The following PPARGC1A variants were observed in gnomAD, a reference collection of about 807,000 sequenced individuals.
The protein encoded by PPARGC1A is PPARG coactivator 1 alpha.
PPARGC1A carries 25 observed loss-of-function variants against 88.7 expected under a neutral mutation model. The ratio of observed to expected loss-of-function variants is 0.28; its 90% CI spans 0.21 to 0.39. PPARGC1A has a LOEUF of 0.39. Among genes scored for constraint, PPARGC1A ranks in the 10% least tolerant of loss-of-function variants. The pLI is 1.00. For synonymous variants in PPARGC1A, 363 were observed against 355.6 expected, an observed-to-expected ratio of 1.02 and a Z score of -0.24; for missense variants, 880 against 968.7, an observed-to-expected ratio of 0.91 and a Z score of 1.22.
chr4:23,900,012 C>CA (rs5856802), upstream of PPARGC1A, among the ~76,000 whole-genome samples: 43 of 147,988 alleles, frequency 2.9e-4, no homozygotes, highest in Admixed American at 4.8e-4. Context: ...GCTGCCTGTC[C>CA]AAAAAAAAAA....
the PPARGC1A span, among the ~76,000 whole-genome samples, chr4:24,210,296 TTAAA>T: frequency 1.3e-5 from 2 of 152,234 alleles, no homozygotes; most frequent in Non-Finnish European, 2.9e-5. Context: ...AGTTGTTTTC[TTAAA>T]TAGAGATCAT....
At chr4:23,838,325 C>A (rs1469190982) in intron 2 of PPARGC1A, among the ~76,000 whole-genome samples, 1 of 152,148 alleles carries the variant, frequency 6.6e-6, no homozygotes, top group African/African-American at 2.4e-5. Flanking sequence ...ACACACCCAA[C>A]CAAAAGTGGG....
chr4:24,102,913 A>G, the PPARGC1A span, among the ~76,000 whole-genome samples: 1 of 152,194 alleles, frequency 6.6e-6, no homozygotes, highest in African/African-American at 2.4e-5. Flanking sequence ...GAGTGTGAAC[A>G]GATTTAGAAA....
At chr4:23,891,815 C>T (rs61076705), upstream of PPARGC1A, among the ~76,000 whole-genome samples, 1,136 of 152,230 alleles carry the variant, frequency 7.5e-3, 4 homozygotes, top group Non-Finnish European at 0.012. Context: ...CTCGGGAATG[C>T]TTTTATACAA....
the PPARGC1A span, among the ~76,000 whole-genome samples, chr4:24,471,507 CCTCT>C: frequency 1.8e-4 from 28 of 152,200 alleles, no homozygotes; most frequent in African/African-American, 4.8e-4. This position sits in a 1 kb window ranked among gnomAD's most constrained non-coding sequence, Gnocchi z 5.4. Context: ...AGGCATTTTT[CCTCT>C]CTCTATTTCT....
chr4:24,469,329 G>A, the PPARGC1A span, among the ~76,000 whole-genome samples: 1 of 152,164 alleles, frequency 6.6e-6, no homozygotes, highest in Non-Finnish European at 1.5e-5. Context: ...AGTAAGGCCC[G>A]TTATGCACAT....
intron 2 of PPARGC1A, among the ~76,000 whole-genome samples, chr4:23,860,008 A>G (rs1434880626): frequency 6.6e-6 from 1 of 152,098 alleles, no homozygotes; most frequent in East Asian, 1.9e-4. Flanking sequence ...ATAGTAGCTC[A>G]ACCCTACAAT....
the PPARGC1A span, among the ~76,000 whole-genome samples, chr4:24,122,385 ATG>A: frequency 0.048 from 5,043 of 105,820 alleles, 137 homozygotes; most frequent in Admixed American, 0.096. Flanking sequence ...GTGTATGCGT[ATG>A]TGTGTGTGTG....
chr4:24,354,382 G>T, the PPARGC1A span, among the ~76,000 whole-genome samples: 963 of 152,284 alleles, frequency 6.3e-3, 21 homozygotes, highest in African/African-American at 0.022. Context: ...AGGAAGTAGG[G>T]TGTGGGCATT....
At chr4:23,957,469 T>C in the PPARGC1A span, among the ~76,000 whole-genome samples, 2 of 152,116 alleles carry the variant, frequency 1.3e-5, no homozygotes, top group African/African-American at 4.8e-5. Flanking sequence ...GGATAGGCAA[T>C]CGATTTAGCA....
chr4:24,342,105 G>A, the PPARGC1A span, among the ~76,000 whole-genome samples: 5 of 152,268 alleles, frequency 3.3e-5, no homozygotes, highest in Non-Finnish European at 7.4e-5. Context: ...ATTGTAAGAT[G>A]TTTCAAAGGC....
the PPARGC1A span, among the ~76,000 whole-genome samples, chr4:24,141,461 A>G: frequency 2.6e-5 from 4 of 152,386 alleles, no homozygotes; most frequent in Non-Finnish European, 2.9e-5. Flanking sequence ...TTTATTAACC[A>G]GCTCTGCCAA....
chr4:24,273,570 G>C, the PPARGC1A span, among the ~76,000 whole-genome samples: 1 of 152,102 alleles, frequency 6.6e-6, no homozygotes, highest in Non-Finnish European at 1.5e-5. Context: ...CAGATGAAGA[G>C]ACCAAAACCT....
chr4:23,980,967 C>A, the PPARGC1A span, among the ~76,000 whole-genome samples: 1 of 152,078 alleles, frequency 6.6e-6, no homozygotes, highest in African/African-American at 2.4e-5. Context: ...ACTATGCTAG[C>A]CTTATGGCCC....
At chr4:24,046,215 C>G in the PPARGC1A span, among the ~76,000 whole-genome samples, 10 of 152,130 alleles carry the variant, frequency 6.6e-5, no homozygotes, top group Admixed American at 4.6e-4. Flanking sequence ...GTCAGGAAAA[C>G]AAAAAAGCAA....
At position 23,890,005 on chromosome 4, in the gene PPARGC1A, G is replaced by A; in HGVS notation, c.-48C>T. On this transcript the variant is annotated 5_prime_UTR_variant, in exon 1 of 13. Transcript: ENST00000264867. ...CAAGCTTTTTCAACTCCAATCCACA[G>A]TGACACAGAGCACACACTCATGCAG... 6.2e-7 allele frequency: 1 copy of A among 1,611,620 alleles called. No individual in the cohort carries two copies. Among genetic ancestry groups the A allele is most frequent in the Non-Finnish European group, 8.5e-7 (1 of 1,178,816 alleles).
At chr4:24,186,449 G>A in the PPARGC1A span, among the ~76,000 whole-genome samples, 7 of 152,064 alleles carry the variant, frequency 4.6e-5, no homozygotes, top group South Asian at 1.5e-3. Context: ...AATCCATAAT[G>A]TGCCACATCC....
the PPARGC1A span, among the ~76,000 whole-genome samples, chr4:24,431,718 T>C: frequency 0.081 from 12,289 of 152,280 alleles, 578 homozygotes; most frequent in African/African-American, 0.12. Context: ...ATTTGTGTCC[T>C]GTTTCCTCCA....
At chr4:23,933,298 T>G in the PPARGC1A span, among the ~76,000 whole-genome samples, 2 of 152,196 alleles carry the variant, frequency 1.3e-5, no homozygotes, top group Non-Finnish European at 2.9e-5. Flanking sequence ...TTCTCCTATG[T>G]AGAAAGAAAA....
Sources: allele counts gnomAD v4.1 joint callset (sites outside exome capture counted in the v4.1 genomes callset), GRCh38; gene constraint gnomAD v4.1.1; non-coding constraint Gnocchi (gnomAD v3.1); transcripts MANE v1.5; gene names NCBI Gene and HGNC (gene_info 2026-07-23, HGNC 2026-07-21).